SIPA1L3: variants seen among roughly 807,000 people sequenced by gnomAD.
The protein encoded by SIPA1L3 is signal-induced proliferation-associated 1-like protein 3.
In SIPA1L3, 59 loss-of-function variants were observed where a neutral mutation model predicts 150.1. That is an observed-to-expected ratio of 0.39 (90% confidence interval 0.32 to 0.49). The LOEUF (loss-of-function observed/expected upper bound fraction) is 0.49. Among genes scored for constraint, SIPA1L3 ranks in the 20% least tolerant of loss-of-function variants. The probability of loss-of-function intolerance (pLI) is 0.86; values close to 1 mark genes in which losing one functional copy is unlikely to be tolerated. For synonymous variants in SIPA1L3, 1,070 were observed against 1,077.6 expected (o/e 0.99, Z 0.14); for missense variants, 2,211 against 2,489.5 (o/e 0.89, Z 2.38).
chr19:37,956,648 T>G lies in SIPA1L3; in HGVS notation c.-379+49290T>G, dbSNP rs527451899. Among the ~76,000 whole-genome samples the G allele has an allele frequency of 2.0e-5, 3 of 152,112 alleles. No homozygotes were observed. The East Asian group carries it at 5.8e-4, about 29-fold the overall frequency. On this transcript the variant is annotated intron_variant, in intron 1 of 21. Coordinates refer to ENST00000222345, the MANE Select transcript of SIPA1L3 (RefSeq NM_015073.3). Reference sequence around the variant, plus strand: ...ACATGCACACGCCACCATGCCCAGCTAATTTTTGTATTTTTAGTAGAGATG... The same window carrying G: ...ACATGCACACGCCACCATGCCCAGCGAATTTTTGTATTTTTAGTAGAGATG...
intron 1 of SIPA1L3, among the ~76,000 whole-genome samples, chr19:37,993,632 A>G (rs1967566422): frequency 6.6e-6 from 1 of 152,128 alleles, no homozygotes; most frequent in Non-Finnish European, 1.5e-5. Context: ...CTAACGGGGG[A>G]ATCTGTGGAG....
Position 38,047,805 on chromosome 19 carries a change from C to G in SIPA1L3, c.-311+18649C>G, listed in dbSNP as rs1467799078. Among the ~76,000 whole-genome samples, 1 of 152,204 alleles carries G rather than the reference C, an allele frequency of 6.6e-6. No homozygotes were observed. Among genetic ancestry groups the G allele is most frequent in the African/African-American group, 2.4e-5 (1 of 41,442 alleles). On this transcript the variant is annotated intron_variant, in intron 2 of 21. Transcript: ENST00000222345. This position sits in a 1 kb window ranked among gnomAD's most constrained non-coding sequence, Gnocchi z 4.7. ...GGCAGTCCAGATCCTGAAGTCCGAC[C>G]TTTGATTCAGGAACAGAGCAGCTGC...
chr19:38,094,351 C>G (rs867105365), intron 4 of SIPA1L3, among the ~76,000 whole-genome samples: 1 of 152,062 alleles, frequency 6.6e-6, no homozygotes, highest in Non-Finnish European at 1.5e-5. Context: ...CGGGCTCAAG[C>G]GATCCTCCTG....
chr19:38,068,959 C>T (rs571318336), intron 2 of SIPA1L3, among the ~76,000 whole-genome samples: 2 of 152,172 alleles, frequency 1.3e-5, no homozygotes, highest in African/African-American at 2.4e-5. Context: ...CTGAATCTGG[C>T]GCATCAGGAG....
intron 8 of SIPA1L3, among the ~76,000 whole-genome samples, chr19:38,117,522 G>A (rs1351933127): frequency 1.3e-5 from 2 of 152,040 alleles, no homozygotes; most frequent in African/African-American, 4.8e-5. Flanking sequence ...GGGAGGATGA[G>A]GCAGGAGAAT....
chr19:38,122,482 C>G (rs1167180440), intron 9 of SIPA1L3, among the ~76,000 whole-genome samples: 1 of 152,130 alleles, frequency 6.6e-6, no homozygotes, highest in South Asian at 2.1e-4. Context: ...CCACCCTGGT[C>G]TCTCCCGGAC....
intron 1 of SIPA1L3, among the ~76,000 whole-genome samples, chr19:37,937,217 TG>T (rs2046608291): frequency 6.6e-6 from 1 of 152,262 alleles, no homozygotes; most frequent in Middle Eastern, 3.4e-3. Flanking sequence ...TTAATCATAA[TG>T]CGTGGTGCAT....
chr19:37,938,102 T>C (rs899305728), intron 1 of SIPA1L3, among the ~76,000 whole-genome samples: 1 of 152,154 alleles, frequency 6.6e-6, no homozygotes, highest in East Asian at 1.9e-4. Context: ...CTTGCATTTT[T>C]CAGCTAATAT....
At chr19:37,970,412 G>A (rs1966903013) in intron 1 of SIPA1L3, among the ~76,000 whole-genome samples, 2 of 152,140 alleles carry the variant, frequency 1.3e-5, no homozygotes, top group Admixed American at 6.5e-5. Flanking sequence ...AAGAGGCCAG[G>A]ACAGGCATTT....
At chr19:38,182,097 C>T (rs547441119) in intron 15 of SIPA1L3, among the ~76,000 whole-genome samples, 22 of 143,368 alleles carry the variant, frequency 1.5e-4, no homozygotes, top group Admixed American at 1.2e-3. Context: ...GCTGAGATCG[C>T]GCCACTGCAT....
intron 2 of SIPA1L3, among the ~76,000 whole-genome samples, chr19:38,062,996 C>T (rs150961941): frequency 5.3e-4 from 80 of 152,238 alleles, no homozygotes; most frequent in African/African-American, 1.6e-3. Flanking sequence ...GTTCAGATTC[C>T]GGCTCCTCCT....
intron 2 of SIPA1L3, among the ~76,000 whole-genome samples, chr19:38,053,998 G>A (rs1445538169): frequency 6.6e-6 from 1 of 151,982 alleles, no homozygotes; most frequent in East Asian, 1.9e-4. Context: ...AGAGATTTAA[G>A]GGACCTGTCC....
intron 2 of SIPA1L3, among the ~76,000 whole-genome samples, chr19:38,067,632 C>T (rs991661843): frequency 2.6e-5 from 4 of 151,844 alleles, no homozygotes; most frequent in Admixed American, 2.0e-4. Context: ...CATGGTGGTG[C>T]GAGCCTGTAA....
intron 2 of SIPA1L3, among the ~76,000 whole-genome samples, chr19:38,038,465 C>T (rs855613): frequency 0.81 from 123,561 of 151,916 alleles, 50,360 homozygotes; most frequent in Admixed American, 0.87. Context: ...TGGTGGGCGC[C>T]TGTAATCCCA....
intron 16 of SIPA1L3, among the ~76,000 whole-genome samples, chr19:38,189,988 T>C (rs900197776): frequency 1.3e-5 from 2 of 152,176 alleles, no homozygotes; most frequent in Admixed American, 1.3e-4. Context: ...GTGGTGGGCC[T>C]GGCCCTTTCC....
At chr19:38,201,790 G>C in intron 19 of SIPA1L3, 72 bp from the exon 20 acceptor site, 1 of 1,506,130 alleles carries the variant, frequency 6.6e-7, no homozygotes, top group Admixed American at 2.1e-5. Context: ...TGCAGGGAGA[G>C]GCGTGGTCCG....
intron 13 of SIPA1L3, among the ~76,000 whole-genome samples, chr19:38,155,232 T>A (rs1186410482): frequency 6.6e-6 from 1 of 152,084 alleles, no homozygotes; most frequent in East Asian, 1.9e-4. Flanking sequence ...TTTATTTTAT[T>A]TATTATTTTT....
At chr19:38,188,779 C>T (rs1231010161) in intron 16 of SIPA1L3, among the ~76,000 whole-genome samples, 12 of 151,852 alleles carry the variant, frequency 7.9e-5, no homozygotes, top group African/African-American at 1.2e-4. Flanking sequence ...AAAAATTAGC[C>T]GGGCGTGGTG....
intron 10 of SIPA1L3, among the ~76,000 whole-genome samples, chr19:38,140,660 AG>A (rs1291217080): frequency 2.6e-5 from 4 of 152,100 alleles, no homozygotes; most frequent in Non-Finnish European, 5.9e-5. Context: ...TGAGGTGGAA[AG>A]GGCCAGGCAG....
Sources: allele counts gnomAD v4.1 joint callset (sites outside exome capture counted in the v4.1 genomes callset), GRCh38; gene constraint gnomAD v4.1.1; non-coding constraint Gnocchi (gnomAD v3.1); transcripts MANE v1.5; gene names NCBI Gene and HGNC (gene_info 2026-07-23, HGNC 2026-07-21).